Variants in EPHA6 observed in about 807,000 individuals in gnomAD.
EPHA6 encodes ephrin type-A receptor 6.
In EPHA6, 50 loss-of-function variants were observed where a neutral mutation model predicts 112.0. The ratio of observed to expected loss-of-function variants is 0.45; its 90% CI spans 0.36 to 0.56. The LOEUF (loss-of-function observed/expected upper bound fraction) is 0.56. EPHA6 is among the 20% of genes least tolerant of loss of function. The probability of loss-of-function intolerance (pLI) is 0.00; values close to 1 mark genes in which losing one functional copy is unlikely to be tolerated. For synonymous variants in EPHA6, 529 were observed against 490.7 expected, an observed-to-expected ratio of 1.08 and a Z score of -1.03; for missense variants, 1,280 against 1,417.4, an observed-to-expected ratio of 0.90 and a Z score of 1.56.
chr3:97,058,238 T>G (rs1256522717), intron 3 of EPHA6, among the ~76,000 whole-genome samples: 1 of 152,072 alleles, frequency 6.6e-6, no homozygotes, highest in Non-Finnish European at 1.5e-5. Flanking sequence ...AGCCAACCAG[T>G]GCTTTTTACC....
At chr3:97,013,662 CTTA>C (rs771270549) in intron 3 of EPHA6, among the ~76,000 whole-genome samples, 5 of 152,050 alleles carry the variant, frequency 3.3e-5, no homozygotes, top group Non-Finnish European at 7.4e-5. Context: ...GTATACTTAG[CTTA>C]TTATGTTATG....
At chr3:97,002,163 T>C (rs2043691820) in intron 3 of EPHA6, among the ~76,000 whole-genome samples, 1 of 151,832 alleles carries the variant, frequency 6.6e-6, no homozygotes, top group African/African-American at 2.4e-5. Context: ...ATATTTTTAA[T>C]AAAATTAAAT....
At chr3:97,080,779 T>C (rs1446646838) in intron 3 of EPHA6, among the ~76,000 whole-genome samples, 1 of 152,038 alleles carries the variant, frequency 6.6e-6, no homozygotes, top group African/African-American at 2.4e-5. Flanking sequence ...AAAATAAAGA[T>C]AACATACATA....
At chr3:97,446,482 C>A (rs1305426371) in intron 6 of EPHA6, among the ~76,000 whole-genome samples, 1 of 152,110 alleles carries the variant, frequency 6.6e-6, no homozygotes, top group East Asian at 1.9e-4. Context: ...GGGGAAGCAA[C>A]AAGGATAAGA....
intron 13 of EPHA6, among the ~76,000 whole-genome samples, chr3:97,617,113 T>G (rs1044509227): frequency 6.6e-6 from 1 of 151,790 alleles, no homozygotes; most frequent in African/African-American, 2.4e-5. Flanking sequence ...CCACAAGACA[T>G]TGGGGGCATT....
At chr3:97,718,392 A>G (rs563991337) in intron 14 of EPHA6, among the ~76,000 whole-genome samples, 17 of 152,308 alleles carry the variant, frequency 1.1e-4, no homozygotes, top group African/African-American at 3.8e-4. Flanking sequence ...ATTAGGGTAG[A>G]TAGATTTAGT....
At chr3:96,897,634 TAAC>T (rs2038353593) in intron 2 of EPHA6, among the ~76,000 whole-genome samples, 2 of 152,218 alleles carry the variant, frequency 1.3e-5, no homozygotes, top group African/African-American at 4.8e-5. Context: ...GAGCAGATGT[TAAC>T]AAGTATAAAC....
chr3:96,896,933 C>G (rs2038302492), intron 2 of EPHA6, among the ~76,000 whole-genome samples: 1 of 152,070 alleles, frequency 6.6e-6, no homozygotes, highest in African/African-American at 2.4e-5. Flanking sequence ...AAAATTAAAA[C>G]AGCTATTTTC....
rs191705783 is a variant in EPHA6, at chr3:97,567,428, C to A, written c.2387-25184C>A. 3.3e-5 allele frequency among the ~76,000 whole-genome samples: 5 copies of A among 152,168 alleles called. No homozygotes were observed. The East Asian group carries it at 9.7e-4, about 29-fold the overall frequency. Reference sequence around the variant, plus strand: ...TCTATAAAATGGGCTAATAATAGCTCTTTTACAAAGATTTAGCCTGAAAAC... The same window carrying A: ...TCTATAAAATGGGCTAATAATAGCTATTTTACAAAGATTTAGCCTGAAAAC... On this transcript the variant is annotated intron_variant, in intron 11 of 17. Transcript: ENST00000389672.
At chr3:97,439,040 G>A (rs754063058) in intron 6 of EPHA6, among the ~76,000 whole-genome samples, 53 of 152,174 alleles carry the variant, frequency 3.5e-4, no homozygotes, top group African/African-American at 1.1e-3. Context: ...AATCAATTAC[G>A]AATGTTTAAT....
chr3:97,592,652 C>T lies in EPHA6; in HGVS notation c.2427C>T (p.Ser809=), dbSNP rs543291692. 6.2e-7 allele frequency: 1 copy of T among 1,613,608 alleles called. No homozygotes were observed. The highest frequency in any genetic ancestry group is 1.3e-5 in the African/African-American group (1 of 75,016). ...TTGGGGTGGAGGCGTTTTGCCCCAG[C>T]TTCCTGAGGGCAGGGTTTTTAAATA... ...PAIGVEAFCP[S]FLRAGFLNSI... The change falls in exon 12 of 18, where the codon AGC becomes AGT. Residue 809 remains serine, a synonymous_variant. Coordinates refer to ENST00000389672, the MANE Select transcript of EPHA6 (RefSeq NM_001080448.3).
chr3:97,710,607 A>G (rs1187961414), intron 14 of EPHA6, among the ~76,000 whole-genome samples: 5 of 152,358 alleles, frequency 3.3e-5, no homozygotes, highest in African/African-American at 9.6e-5. Context: ...TTAAAAAATC[A>G]TAGAATATTA....
intron 2 of EPHA6, among the ~76,000 whole-genome samples, chr3:96,938,009 A>G (rs1303145539): frequency 2.0e-5 from 3 of 152,132 alleles, no homozygotes; most frequent in Non-Finnish European, 2.9e-5. Flanking sequence ...TGGTTACTGT[A>G]GCCTTGTAGT....
intron 16 of EPHA6, among the ~76,000 whole-genome samples, chr3:97,744,331 T>C (rs1388377907): frequency 6.6e-6 from 1 of 152,056 alleles, no homozygotes; most frequent in Non-Finnish European, 1.5e-5. Context: ...ACTAAATTTA[T>C]CATTGTACAT....
intron 16 of EPHA6, among the ~76,000 whole-genome samples, chr3:97,737,027 G>C (rs2107856449): frequency 6.6e-6 from 1 of 152,056 alleles, no homozygotes; most frequent in Non-Finnish European, 1.5e-5. Flanking sequence ...ATTTGAAACA[G>C]ACCTCAGTTC....
At chr3:97,419,730 T>TA (rs963701348) in intron 6 of EPHA6, among the ~76,000 whole-genome samples, 57 of 150,554 alleles carry the variant, frequency 3.8e-4, no homozygotes, top group Non-Finnish European at 6.5e-4. Context: ...AGTGAGAAAA[T>TA]AAAAAAACAA....
intron 3 of EPHA6, among the ~76,000 whole-genome samples, chr3:97,190,867 TA>T (rs527606955): frequency 5.6e-4 from 85 of 150,768 alleles, no homozygotes; most frequent in African/African-American, 1.2e-3. Context: ...TAAAGTATAA[TA>T]AAAAAAAAGT....
At chr3:97,121,771 G>A (rs1245641745) in intron 3 of EPHA6, among the ~76,000 whole-genome samples, 1 of 151,962 alleles carries the variant, frequency 6.6e-6, no homozygotes, top group Non-Finnish European at 1.5e-5. Flanking sequence ...GATGACTATT[G>A]CTCCCAGTGT....
chr3:97,686,558 G>A (rs544850882), intron 14 of EPHA6, among the ~76,000 whole-genome samples: 1 of 152,314 alleles, frequency 6.6e-6, no homozygotes, highest in South Asian at 2.1e-4. Context: ...TGCAGGACCA[G>A]ACTGTAATTT....
Sources: allele counts gnomAD v4.1 joint callset (sites outside exome capture counted in the v4.1 genomes callset), GRCh38; gene constraint gnomAD v4.1.1; transcripts MANE v1.5; gene names NCBI Gene and HGNC (gene_info 2026-07-23, HGNC 2026-07-21).